Variants in ZPBP2 observed in about 807,000 individuals in gnomAD.
ZPBP2 encodes zona pellucida binding protein 2, also known as zona pellucida-binding protein 2.
Under a neutral mutation model 37.5 loss-of-function variants are expected in ZPBP2, and 34 were observed. That is an observed-to-expected ratio of 0.91 (90% CI 0.69 to 1.21). The LOEUF (loss-of-function observed/expected upper bound fraction) is 1.21, where lower values mean the gene tolerates loss of function less well. Among genes scored for constraint, ZPBP2 ranks in the 50% most tolerant of loss-of-function variants. The pLI is 0.00. For synonymous variants in ZPBP2, 143 were observed against 138.4 expected (o/e 1.03, Z -0.23); for missense variants, 397 against 413.5 (o/e 0.96, Z 0.35).
intron 2 of ZPBP2, among the ~76,000 whole-genome samples, chr17:39,869,707 C>CTT (rs59544817): frequency 0.36 from 33,085 of 92,682 alleles, 7,138 homozygotes; most frequent in Non-Finnish European, 0.48. Flanking sequence ...ACCAGCCAAT[C>CTT]TTTTTTTTTT....
intron 2 of ZPBP2, among the ~76,000 whole-genome samples, chr17:39,870,061 T>G (rs2063356643): frequency 6.6e-6 from 1 of 151,828 alleles, no homozygotes; most frequent in Non-Finnish European, 1.5e-5. Context: ...GAACTTTCTT[T>G]GAGAGGGAGT....
chr17:39,868,249 C>T lies in ZPBP2; in HGVS notation c.-106C>T, dbSNP rs1043058254. On this transcript the variant is annotated 5_prime_UTR_variant, in exon 1 of 8. Coordinates refer to ENST00000348931, the MANE Select transcript of ZPBP2 (RefSeq NM_199321.3). ...GACGGACGGGTAGGGGAGGCGACCC[C>T]GGCGTTCTGCTCCGCACTGTGGAGG... The T allele has an allele frequency of 1.8e-5, 24 of 1,329,996 alleles. No individual in the cohort carries two copies. The highest frequency in any genetic ancestry group is 2.9e-5 in the African/African-American group (2 of 69,402). 82.4% of individuals were successfully genotyped at this position (1,329,996 alleles called of 1,614,324 possible). A position where few individuals can be genotyped will look rare whatever the true frequency, so the allele number is the denominator to read the frequency against.
At chr17:39,876,164 C>A (rs934025157) in intron 7 of ZPBP2, among the ~76,000 whole-genome samples, 3 of 152,040 alleles carry the variant, frequency 2.0e-5, no homozygotes, top group African/African-American at 4.8e-5. Context: ...AGCAATCTGC[C>A]CGCCTTGGCC....
Position 39,872,375 on chromosome 17 carries a change from T to G in ZPBP2, c.512T>G (p.Leu171Trp). The G allele has an allele frequency of 6.2e-7, 1 of 1,613,516 alleles. No individual in the cohort carries two copies. Among genetic ancestry groups the G allele is most frequent in the Non-Finnish European group, 8.5e-7 (1 of 1,179,684 alleles). The part of the protein sequence containing the change: ...DVFFRVLKKI[L>W]DSLISDLSCH... Reference sequence around the variant, plus strand: ...TTCTTTAGAGTGCTGAAGAAAATCTTGGATAGTCTAATTTCTGATTTGTCA... The same window carrying G: ...TTCTTTAGAGTGCTGAAGAAAATCTGGGATAGTCTAATTTCTGATTTGTCA... The change falls in exon 5 of 8, where the codon TTG becomes TGG. Residue 171 changes from leucine (L) to tryptophan (W), a missense_variant. Transcript: ENST00000348931.
intron 7 of ZPBP2, among the ~76,000 whole-genome samples, chr17:39,875,774 C>G (rs1286808389): frequency 1.3e-5 from 2 of 150,634 alleles, no homozygotes; most frequent in Non-Finnish European, 2.9e-5. Context: ...GACAGAGTTT[C>G]ACCATGTTGG....
chr17:39,875,085 A>C (rs1415456348), intron 6 of ZPBP2, among the ~76,000 whole-genome samples, 169 bp from the exon 7 acceptor site: 1 of 152,248 alleles, frequency 6.6e-6, no homozygotes, highest in Non-Finnish European at 1.5e-5. Context: ...AATTGACAAC[A>C]GTTGATAAGG....
intron 6 of ZPBP2, 68 bp downstream of exon 6, chr17:39,873,194 G>T: frequency 6.8e-7 from 1 of 1,476,026 alleles, no homozygotes; most frequent in East Asian, 2.4e-5. Context: ...TGTCACCCAG[G>T]CTGGAGTGCA....
Position 39,876,763 on chromosome 17 carries a change from A to T in ZPBP2, c.971A>T (p.Lys324Ile), listed in dbSNP as rs2063392682. The T allele has an allele frequency of 1.9e-6, 3 of 1,613,958 alleles. No homozygotes were observed. Among genetic ancestry groups the T allele is most frequent in the Non-Finnish European group, 2.5e-6 (3 of 1,179,922 alleles). The change falls in exon 8 of 8, where the codon AAA becomes ATA. Residue 324 changes from lysine (K) to isoleucine (I), a missense_variant. Physicochemically the swap from Lys to Ile is moderately radical, Grantham distance 102. Coordinates refer to ENST00000348931, the MANE Select transcript of ZPBP2 (RefSeq NM_199321.3). ...GTTTCCGTCCTTACCTATGGAGCTA[A>T]ATCTTGCCCACAAACTTCAAACAAA... Reference protein sequence around the residue: ...TCVSVLTYGAKSCPQTSNKNQ... With the variant: ...TCVSVLTYGAISCPQTSNKNQ...
At position 39,868,322 on chromosome 17, in the gene ZPBP2, C is replaced by G. The variant is rs765215704; in HGVS notation, c.-33C>G. 4 of 1,603,390 alleles carry G rather than the reference C, an allele frequency of 2.5e-6. No individual in the cohort carries two copies. In the African/African-American group the frequency reaches 5.3e-5, roughly 21 times the overall value. ...GGCTGAGGTAGGAGGGAGTCTGTCC[C>G]TCGACGCCTCCTGCGACGCCAGCCC... On this transcript the variant is annotated 5_prime_UTR_variant, in exon 1 of 8. Transcript: ENST00000348931.
Position 39,873,037 on chromosome 17 carries a change from T to C in ZPBP2, c.626-7T>C, listed in dbSNP as rs778011651. On this transcript the variant is annotated splice_region_variant and splice_polypyrimidine_tract_variant and intron_variant, in intron 5 of 7. Transcript: ENST00000348931. The stretch of plus-strand genomic sequence containing the variant: ...CTTTGTGAGTCTATCATTTTTTTTC[T>C]CTTCAGTTAATCCTTTTGCGCCGGG... The C allele has an allele frequency of 8.7e-6, 14 of 1,610,280 alleles. No individual in the cohort carries two copies. In the South Asian group the frequency reaches 1.4e-4, roughly 17 times the overall value.
chr17:39,873,941 A>C (rs978711756), intron 6 of ZPBP2, among the ~76,000 whole-genome samples: 20 of 151,746 alleles, frequency 1.3e-4, no homozygotes, highest in African/African-American at 4.8e-4. Context: ...AAAAACCCAA[A>C]ATTTACATCA....
chr17:39,872,430 CCATT>C lies in ZPBP2; in HGVS notation c.569_572del (p.His190LeufsTer15), dbSNP rs1328062477. 1 of 1,612,978 alleles carries C rather than the reference CCATT, an allele frequency of 6.2e-7. No homozygotes were observed. ...ATGTCATAGAGCCATCATATAAATGCCATTCTGTTGAAATTCCAGAACATGGCCT... is the reference window on the plus strand; with the variant it reads ...ATGTCATAGAGCCATCATATAAATGCCTGTTGAAATTCCAGAACATGGCCT... On this transcript the variant is annotated frameshift_variant, in exon 5 of 8. Transcript: ENST00000348931. LOFTEE classifies it high-confidence loss of function.
intron 6 of ZPBP2, 146 bp from the exon 7 acceptor site, chr17:39,875,108 A>G (rs1260615882): frequency 1.5e-6 from 1 of 674,982 alleles, no homozygotes; most frequent in Non-Finnish European, 2.4e-6. Flanking sequence ...AAAGCTAACT[A>G]ATTTTGGTGT....
chr17:39,870,574 T>G (rs2144640298), intron 2 of ZPBP2, 120 bp from the exon 3 acceptor site: 1 of 565,530 alleles, frequency 1.8e-6, no homozygotes, highest in East Asian at 3.6e-5. Context: ...TATATTGATT[T>G]TTAAAATAGT....
chr17:39,870,457 A>C (rs184525456), intron 2 of ZPBP2, among the ~76,000 whole-genome samples: 1 of 152,226 alleles, frequency 6.6e-6, no homozygotes, highest in Non-Finnish European at 1.5e-5. Flanking sequence ...TTTTATAAAC[A>C]AAAGTGTAAT....
chr17:39,872,956 C>T, intron 5 of ZPBP2, 88 bp from the exon 6 acceptor site: 1 of 1,135,974 alleles, frequency 8.8e-7, no homozygotes, highest in African/African-American at 1.6e-5. Context: ...TGCCTGCATG[C>T]ACATGGAATT....
In ZPBP2 at chr17:39,868,281, G is replaced by T. The variant is rs2063344574; in HGVS notation, c.-74G>T. On this transcript the variant is annotated 5_prime_UTR_variant, in exon 1 of 8. Transcript: ENST00000348931. Reference sequence around the variant, plus strand: ...CTGCTCCGCACTGTGGAGGAGGTGGGGAGGTGTTGGGCCAGGGCTGAGGTA... The same window carrying T: ...CTGCTCCGCACTGTGGAGGAGGTGGTGAGGTGTTGGGCCAGGGCTGAGGTA... The T allele has an allele frequency of 2.6e-6, 4 of 1,544,238 alleles. No individual in the cohort carries two copies. Among genetic ancestry groups the T allele is most frequent in the Non-Finnish European group, 3.5e-6 (4 of 1,135,266 alleles).
intron 6 of ZPBP2, among the ~76,000 whole-genome samples, chr17:39,875,045 A>G (rs888995891): frequency 6.6e-6 from 1 of 152,234 alleles, no homozygotes; most frequent in Non-Finnish European, 1.5e-5. Flanking sequence ...CACCGCTCCC[A>G]GCCAATTTTT....
intron 2 of ZPBP2, among the ~76,000 whole-genome samples, chr17:39,870,335 G>A (rs1014539260): frequency 6.6e-6 from 1 of 152,170 alleles, no homozygotes; most frequent in South Asian, 2.1e-4. Flanking sequence ...GAGCCACCGT[G>A]CCCAGGCCTT....
Sources: gnomAD v4.1 joint callset for allele counts (sites outside exome capture counted in the v4.1 genomes callset) on GRCh38, gnomAD v4.1.1 for gene constraint, MANE v1.5 for transcripts, NCBI Gene and HGNC (gene_info 2026-07-23, HGNC 2026-07-21) for gene names.